Variants in TYW1 observed in about 807,000 individuals in gnomAD.
The protein encoded by TYW1 is S-adenosyl-L-methionine-dependent tRNA 4-demethylwyosine synthase TYW1.
In TYW1, 46 loss-of-function variants were observed where a neutral mutation model predicts 96.2. That is an observed-to-expected ratio of 0.48 (90% confidence interval 0.38 to 0.61). The LOEUF (loss-of-function observed/expected upper bound fraction) is 0.61, where lower values mean the gene tolerates loss of function less well. TYW1 is among the 20% of genes least tolerant of loss of function. The probability of loss-of-function intolerance (pLI) is 0.00; values close to 1 mark genes in which losing one functional copy is unlikely to be tolerated. For synonymous variants in TYW1, 274 were observed against 323.0 expected (o/e 0.85, Z 1.63); for missense variants, 684 against 909.6 (o/e 0.75, Z 3.19).
chr7:67,020,081 G>A (rs3980718), intron 6 of TYW1, among the ~76,000 whole-genome samples: 1 of 152,200 alleles, frequency 6.6e-6, no homozygotes, highest in South Asian at 2.1e-4. Context: ...GGTCCCATAA[G>A]TTAAAGAGCT....
intron 6 of TYW1, among the ~76,000 whole-genome samples, chr7:67,020,036 A>G (rs1794190845): frequency 6.6e-6 from 1 of 152,280 alleles, no homozygotes; most frequent in East Asian, 1.9e-4. Context: ...CTGCAATGAA[A>G]TTGGAATGAA....
chr7:67,193,486 G>C (rs912462118), intron 14 of TYW1, among the ~76,000 whole-genome samples: 5 of 152,132 alleles, frequency 3.3e-5, no homozygotes, highest in Non-Finnish European at 7.4e-5. Context: ...TTGGCCAGGC[G>C]TGTTGGCTCA....
intron 4 of TYW1, among the ~76,000 whole-genome samples, chr7:67,011,439 G>A (rs529001914): frequency 4.6e-5 from 7 of 152,380 alleles, no homozygotes; most frequent in African/African-American, 1.7e-4. Flanking sequence ...CCCTACAGCA[G>A]TGGTTCTCAA....
chr7:67,084,375 TAACAA>T (rs915244482), intron 11 of TYW1, among the ~76,000 whole-genome samples: 5 of 152,214 alleles, frequency 3.3e-5, no homozygotes, highest in Non-Finnish European at 5.9e-5. Context: ...TGTCTCATAT[TAACAA>T]ATATTGACTT....
At chr7:67,032,382 G>A (rs1794698088) in intron 7 of TYW1, among the ~76,000 whole-genome samples, 1 of 152,096 alleles carries the variant, frequency 6.6e-6, no homozygotes, top group Non-Finnish European at 1.5e-5. Flanking sequence ...ACTTTGGGAG[G>A]CCGAGACGGA....
chr7:67,015,063 G>A (rs185974920), intron 5 of TYW1, among the ~76,000 whole-genome samples: 142 of 150,118 alleles, frequency 9.5e-4, no homozygotes, highest in African/African-American at 3.0e-3. Context: ...GTGCAGTGGC[G>A]GGATCTCAGC....
At chr7:67,118,667 G>A (rs1166712997) in intron 13 of TYW1, among the ~76,000 whole-genome samples, 1 of 151,694 alleles carries the variant, frequency 6.6e-6, no homozygotes, top group East Asian at 1.9e-4. Flanking sequence ...GGCCAAGGTG[G>A]GCAGATCACT....
chr7:67,028,238 C>CAA (rs58455978), intron 7 of TYW1, among the ~76,000 whole-genome samples: 11 of 105,484 alleles, frequency 1.0e-4, no homozygotes, highest in Non-Finnish European at 1.6e-4. Context: ...GACTCTGTCT[C>CAA]AAAAAAAAAA....
chr7:67,165,368 GC>G (rs1323971165), intron 13 of TYW1, among the ~76,000 whole-genome samples: 4 of 151,980 alleles, frequency 2.6e-5, no homozygotes, highest in African/African-American at 9.7e-5. Context: ...ACTGAAAGCT[GC>G]CTAATTAGAA....
chr7:67,098,942 C>G (rs2686976), intron 12 of TYW1, among the ~76,000 whole-genome samples: 2 of 151,560 alleles, frequency 1.3e-5, no homozygotes, highest in African/African-American at 4.8e-5. Context: ...TAGGGGAATT[C>G]AAAAGAGAAT....
intron 10 of TYW1, among the ~76,000 whole-genome samples, chr7:67,075,023 C>T (rs564548784): frequency 3.3e-5 from 5 of 152,180 alleles, no homozygotes; most frequent in African/African-American, 9.6e-5. Flanking sequence ...GGATTACAGG[C>T]GTGAGCCACC....
chr7:67,065,640 C>CT lies in TYW1; in HGVS notation c.1156-1632dup, dbSNP rs74272581. 2.0e-3 allele frequency among the ~76,000 whole-genome samples: 282 copies of CT among 143,914 alleles called. 2 individuals carry two copies. Among genetic ancestry groups the CT allele is most frequent in the Admixed American group, 4.3e-3 (63 of 14,534 alleles). The allele number at this position is 143,914 out of a possible 152,430, so 94.4% of individuals were successfully genotyped here. ...TGCAGTACTAATATGGACAGGGAAA[C>CT]TTTTTTTTTTTTTAATTAAAACAAA... On this transcript the variant is annotated intron_variant, in intron 9 of 15. Coordinates refer to ENST00000359626, the MANE Select transcript of TYW1 (RefSeq NM_018264.4).
chr7:67,116,288 G>C (rs1797589771), intron 12 of TYW1, among the ~76,000 whole-genome samples: 1 of 149,224 alleles, frequency 6.7e-6, no homozygotes, highest in South Asian at 2.1e-4. Context: ...TTGCACCACT[G>C]TACTCTAGCC....
At chr7:67,030,985 G>T (rs1187233245) in intron 7 of TYW1, among the ~76,000 whole-genome samples, 1 of 150,798 alleles carries the variant, frequency 6.6e-6, no homozygotes, top group Non-Finnish European at 1.5e-5. Flanking sequence ...TGGATCACCT[G>T]AGGTCAGGAG....
At chr7:67,189,780 A>AT (rs1425980320) in intron 14 of TYW1, among the ~76,000 whole-genome samples, 1 of 152,182 alleles carries the variant, frequency 6.6e-6, no homozygotes, top group Non-Finnish European at 1.5e-5. Context: ...TTGCTTTATC[A>AT]TATCGATTTC....
chr7:67,093,920 C>T (rs762482432), intron 11 of TYW1, among the ~76,000 whole-genome samples: 8 of 152,068 alleles, frequency 5.3e-5, no homozygotes, highest in East Asian at 1.9e-4. Context: ...TTGTGTACTG[C>T]GGGAATTAGG....
At chr7:67,101,221 T>A (rs1420961626) in intron 12 of TYW1, among the ~76,000 whole-genome samples, 11 of 152,038 alleles carry the variant, frequency 7.2e-5, no homozygotes, top group Admixed American at 7.2e-4. Context: ...TGTATGAGAG[T>A]GAAGTTTGGC....
chr7:67,132,390 G>A (rs948485019), intron 13 of TYW1, among the ~76,000 whole-genome samples: 12 of 152,044 alleles, frequency 7.9e-5, no homozygotes, highest in Non-Finnish European at 1.5e-4. Flanking sequence ...GATTACAGAC[G>A]TGATCTACTG....
chr7:67,122,168 C>A (rs1208476572), intron 13 of TYW1, among the ~76,000 whole-genome samples: 1 of 142,642 alleles, frequency 7.0e-6, no homozygotes, highest in Non-Finnish European at 1.5e-5. Context: ...TAAGTAATAG[C>A]ATTAACATTC....
Sources: allele counts gnomAD v4.1 joint callset (sites outside exome capture counted in the v4.1 genomes callset), GRCh38; gene constraint gnomAD v4.1.1; transcripts MANE v1.5; gene names NCBI Gene and HGNC (gene_info 2026-07-23, HGNC 2026-07-21).